Variants in TRPM7 observed in about 807,000 individuals in gnomAD.
TRPM7 encodes the protein LTRPC ion channel family member 7.
TRPM7 carries 134 observed loss-of-function variants against 229.7 expected under a neutral mutation model. The observed-to-expected ratio is 0.58, with a 90% CI of 0.51 to 0.67. The LOEUF (loss-of-function observed/expected upper bound fraction) is 0.67. Ranked by LOEUF, TRPM7 falls within the 30% of genes least tolerant of loss-of-function variation. The probability of loss-of-function intolerance (pLI) is 0.00; values close to 1 mark genes in which losing one functional copy is unlikely to be tolerated. For missense variants in TRPM7, 1,901 were observed against 2,210.0 expected, an observed-to-expected ratio of 0.86 and a Z score of 2.80; for synonymous variants, 699 against 715.2, an observed-to-expected ratio of 0.98 and a Z score of 0.36.
In TRPM7 at chr15:50,612,563, T is replaced by C. The variant is rs758014959; in HGVS notation, c.2037A>G (p.Leu679=). Residue 679 remains leucine (L), a synonymous_variant, in exon 16 of 39, where the codon CTA becomes CTG. Coordinates refer to ENST00000646667, the MANE Select transcript of TRPM7 (RefSeq NM_017672.6). ...ATACCACTTACTTGGAATACTGTTT[T>C]AGTTCTTCTGAAGTATCATCTACCA... ...SDLVDDTSEE[L]KQYSNDFGQL... 2 of 1,610,250 alleles carry C rather than the reference T, an allele frequency of 1.2e-6. No homozygotes were observed. The highest frequency in any genetic ancestry group is 1.7e-6 in the Non-Finnish European group (2 of 1,177,692).
intron 5 of TRPM7, among the ~76,000 whole-genome samples, chr15:50,640,205 C>T: frequency 6.6e-6 from 1 of 152,100 alleles, no homozygotes; most frequent in East Asian, 1.9e-4. Flanking sequence ...AAGTCTATTT[C>T]AGTCAAAAAT....
At chr15:50,631,595 G>T (rs1197454768) in intron 9 of TRPM7, 106 bp from the exon 10 acceptor site, 7 of 597,432 alleles carry the variant, frequency 1.2e-5, no homozygotes, top group African/African-American at 7.4e-5. Flanking sequence ...ATATATGTAT[G>T]TATCTAGGAA....
chr15:50,674,684 C>T (rs906200768), intron 1 of TRPM7, among the ~76,000 whole-genome samples: 7 of 152,094 alleles, frequency 4.6e-5, no homozygotes, highest in African/African-American at 1.7e-4. Context: ...TGTCTTTCAG[C>T]TTGAAGAAAT....
chr15:50,651,666 A>C (rs1261292607), intron 3 of TRPM7, among the ~76,000 whole-genome samples: 2 of 152,004 alleles, frequency 1.3e-5, no homozygotes, highest in Admixed American at 6.6e-5. Context: ...AAAGAAAAGA[A>C]GACTGTGGGA....
chr15:50,565,473 C>T (rs368261269), intron 38 of TRPM7, among the ~76,000 whole-genome samples: 25 of 151,930 alleles, frequency 1.6e-4, no homozygotes, highest in Non-Finnish European at 2.2e-4. Flanking sequence ...AAAAAGTATA[C>T]GTCAAAATAA....
intron 31 of TRPM7, among the ~76,000 whole-genome samples, chr15:50,576,753 T>C (rs1487231971): frequency 6.6e-6 from 1 of 152,158 alleles, no homozygotes; most frequent in East Asian, 1.9e-4. Context: ...TACAAATTAA[T>C]GGGCAAGAGT....
At chr15:50,601,123 T>C (rs753831386) in intron 21 of TRPM7, among the ~76,000 whole-genome samples, 2 of 152,174 alleles carry the variant, frequency 1.3e-5, no homozygotes, top group Non-Finnish European at 2.9e-5. Context: ...TACAAATGCT[T>C]GTAATTAAAG....
chr15:50,583,949 C>T (rs948378153), intron 28 of TRPM7, among the ~76,000 whole-genome samples: 1 of 152,160 alleles, frequency 6.6e-6, no homozygotes, highest in African/African-American at 2.4e-5. Context: ...ATATTGGATA[C>T]ACATTAATGT....
intron 14 of TRPM7, 108 bp from the exon 15 acceptor site, chr15:50,613,949 A>G (rs2060140454): frequency 7.1e-7 from 1 of 1,399,870 alleles, no homozygotes; most frequent in South Asian, 1.4e-5. Context: ...GTACACACAC[A>G]AAATATGACT....
At chr15:50,618,727 G>A (rs1332915324) in intron 13 of TRPM7, among the ~76,000 whole-genome samples, 1 of 152,026 alleles carries the variant, frequency 6.6e-6, no homozygotes, top group African/African-American at 2.4e-5. Flanking sequence ...TATCTGAACA[G>A]TGAATAGTGT....
chr15:50,641,035 G>A (rs1038247383), intron 5 of TRPM7, among the ~76,000 whole-genome samples: 1 of 152,194 alleles, frequency 6.6e-6, no homozygotes, highest in Non-Finnish European at 1.5e-5. Context: ...CACTCAGTTT[G>A]ATCTCCATAA....
chr15:50,618,051 G>T (rs894001979), intron 13 of TRPM7, among the ~76,000 whole-genome samples: 3 of 152,072 alleles, frequency 2.0e-5, no homozygotes, highest in African/African-American at 7.2e-5. Context: ...TAGAAACTTA[G>T]AAGATATTTT....
At chr15:50,593,820 C>G in intron 24 of TRPM7, 71 bp from the exon 25 acceptor site, 1 of 1,453,268 alleles carries the variant, frequency 6.9e-7, no homozygotes, top group Non-Finnish European at 9.3e-7. Context: ...ATAATTCTTA[C>G]GAATTATTCA....
chr15:50,590,890 G>C (rs992136413), intron 26 of TRPM7, among the ~76,000 whole-genome samples: 4 of 151,846 alleles, frequency 2.6e-5, no homozygotes, highest in African/African-American at 9.7e-5. Context: ...TATCTAGAGT[G>C]AATCCCATAT....
chr15:50,575,464 T>C (rs2054086226), intron 33 of TRPM7, among the ~76,000 whole-genome samples: 1 of 152,176 alleles, frequency 6.6e-6, no homozygotes, highest in East Asian at 1.9e-4. Context: ...TTTATATAAA[T>C]TACTAGATAG....
intron 3 of TRPM7, among the ~76,000 whole-genome samples, chr15:50,653,739 G>A (rs1276636282): frequency 6.6e-6 from 1 of 152,042 alleles, no homozygotes; most frequent in Admixed American, 6.6e-5. Context: ...CAGAGAAAAG[G>A]GAGCTATAAA....
Position 50,609,676 on chromosome 15 carries a change from C to G in TRPM7, c.2485G>C (p.Glu829Gln). 6.2e-7 allele frequency: 1 copy of G among 1,610,946 alleles called. No homozygotes were observed. Among genetic ancestry groups the G allele is most frequent in the Non-Finnish European group, 8.5e-7 (1 of 1,178,252 alleles). Residue 829 changes from glutamate (E) to glutamine (Q), a missense_variant, in exon 19 of 39, where the codon GAG (glutamate) becomes CAG (glutamine). Transcript: ENST00000646667. ...RILDSNEGKN[E>Q]MEIQMKSKKL... ...TTTGATTTCATTTGTATCTCCATCT[C>G]ATTCTTTCCTTCATTACTATCCAAA...
chr15:50,622,096 TAAG>T (rs1246190518), intron 12 of TRPM7, among the ~76,000 whole-genome samples: 2 of 151,938 alleles, frequency 1.3e-5, no homozygotes, highest in Non-Finnish European at 2.9e-5. Context: ...AAAAAAGAAA[TAAG>T]AACAAATATT....
Position 50,611,263 on chromosome 15 carries a change from T to C in TRPM7, c.2110A>G (p.Met704Val). 6.2e-7 allele frequency: 1 copy of C among 1,613,966 alleles called. No individual in the cohort carries two copies. Among genetic ancestry groups the C allele is most frequent in the Non-Finnish European group, 8.5e-7 (1 of 1,179,926 alleles). Residue 704 changes from methionine (M) to valine (V), a missense_variant, in exon 17 of 39, where the codon ATG becomes GTG. Met to Val is a conservative substitution (Grantham distance 21, BLOSUM62 1). Around this residue, in one of 8 missense-constraint regions of TRPM7, gnomAD observed 794 missense variants for 881.9 expected, o/e 0.90. Transcript: ENST00000646667. ...LEQSFRQDET[M>V]AMKLLTYELK... Reference sequence around the variant, plus strand: ...TCATAAGTGAGCAATTTCATAGCCATGGTTTCATCTTGTCTGAAGGACTGT... The same window carrying C: ...TCATAAGTGAGCAATTTCATAGCCACGGTTTCATCTTGTCTGAAGGACTGT...
Sources: allele counts gnomAD v4.1 joint callset (sites outside exome capture counted in the v4.1 genomes callset), GRCh38; gene constraint gnomAD v4.1.1; regional missense constraint gnomAD v4.1.1; transcripts MANE v1.5; gene names NCBI Gene and HGNC (gene_info 2026-07-23, HGNC 2026-07-21).